The following FGF2 variants were observed in gnomAD, a reference collection of about 807,000 sequenced individuals.
FGF2 encodes basic fibroblast growth factor bFGF.
FGF2 carries 13 observed loss-of-function variants against 15.9 expected under a neutral mutation model. The ratio of observed to expected loss-of-function variants is 0.82; its 90% confidence interval spans 0.53 to 1.30. The LOEUF (loss-of-function observed/expected upper bound fraction) is 1.30, where lower values mean the gene tolerates loss of function less well. Ranked by LOEUF, FGF2 falls within the 50% of genes most tolerant of loss-of-function variation. The probability of loss-of-function intolerance (pLI) is 0.00; values close to 1 mark genes in which losing one functional copy is unlikely to be tolerated. For missense variants in FGF2, 163 were observed against 196.9 expected (o/e 0.83, Z 1.03); for synonymous variants, 90 against 78.4 (o/e 1.15, Z -0.78).
At chr4:122,844,582 T>TTCCTTCCTTCCTTCCTTC (rs1560740307) in intron 1 of FGF2, among the ~76,000 whole-genome samples, 2 of 117,246 alleles carry the variant, frequency 1.7e-5, no homozygotes, top group Non-Finnish European at 3.3e-5. Flanking sequence ...TTTCTTTCTT[T>TTCCTTCCTTCCTTCCTTC]CTTTCTTCCT....
intron 1 of FGF2, among the ~76,000 whole-genome samples, chr4:122,833,122 CTT>C (rs1725796668): frequency 6.6e-6 from 1 of 152,052 alleles, no homozygotes; most frequent in South Asian, 2.1e-4. Context: ...CACAAGGTGA[CTT>C]TTGACTTGAC....
chr4:122,855,023 G>A (rs1037438470), intron 1 of FGF2, among the ~76,000 whole-genome samples: 6 of 152,116 alleles, frequency 3.9e-5, no homozygotes, highest in Middle Eastern at 3.4e-3. Flanking sequence ...TTCTGTTCTG[G>A]AGCTGCCTGA....
intron 1 of FGF2, among the ~76,000 whole-genome samples, chr4:122,843,738 A>G (rs1484523667): frequency 1.3e-5 from 2 of 152,228 alleles, no homozygotes; most frequent in Admixed American, 6.5e-5. Flanking sequence ...TTCCTAATGC[A>G]TATGAAAGCT....
Position 122,889,170 on chromosome 4 carries a change from G to T in FGF2, c.283-3041G>T, listed in dbSNP as rs372029898. On this transcript the variant is annotated intron_variant, in intron 2 of 2. Coordinates refer to ENST00000644866, the MANE Select transcript of FGF2 (RefSeq NM_001361665.2). ...AGTTTTAAATTCCTCATTTGTTAAT[G>T]AGTATAATAATGTTAAAATATTGTT... Among the ~76,000 whole-genome samples, 116 of 152,260 alleles carry T rather than the reference G, an allele frequency of 7.6e-4. No homozygotes were observed. In the East Asian group the frequency reaches 0.015, roughly 19 times the overall value.
chr4:122,858,609 G>C (rs895885092), intron 1 of FGF2, among the ~76,000 whole-genome samples: 2 of 152,070 alleles, frequency 1.3e-5, no homozygotes, highest in African/African-American at 4.8e-5. Context: ...TGTTGCCCAG[G>C]CTGGTCTTGA....
chr4:122,843,412 C>T (rs899595731), intron 1 of FGF2, among the ~76,000 whole-genome samples: 5 of 152,238 alleles, frequency 3.3e-5, no homozygotes, highest in Non-Finnish European at 7.4e-5. Context: ...CTGAACAATT[C>T]GTCTTTATCC....
rs1727293396 is a variant in FGF2, at chr4:122,894,584, C to G, written c.*2188C>G. ...CCTAGGCAACAGAGTGAGACTTTGT[C>G]TCAAAAAAAGAGAAATTTTCCTTAA... On this transcript the variant is annotated 3_prime_UTR_variant, in exon 3 of 3. Coordinates refer to ENST00000644866, the MANE Select transcript of FGF2 (RefSeq NM_001361665.2). 1 of 151,852 alleles carries G rather than the reference C, an allele frequency of 6.6e-6. No individual in the cohort carries two copies. The allele number at this position is 151,852 out of a possible 1,614,324, so 9.4% of individuals were successfully genotyped here. A position where few individuals can be genotyped will look rare whatever the true frequency, so the allele number is the denominator to read the frequency against.
chr4:122,875,850 T>C (rs1018518448), intron 1 of FGF2, among the ~76,000 whole-genome samples: 11 of 152,240 alleles, frequency 7.2e-5, no homozygotes, highest in Non-Finnish European at 1.5e-4. Flanking sequence ...AGTGAATAAC[T>C]AGATTTTGTT....
In FGF2 at chr4:122,827,001, G is replaced by T. The variant is rs1434289357; in HGVS notation, c.-174G>T. ...CCGGCGGACAGAAGAGCGGCCGAGC[G>T]GCTCGAGGCTGGGGGACCGCGGGCG... On this transcript the variant is annotated 5_prime_UTR_variant, in exon 1 of 3. Coordinates refer to ENST00000644866, the MANE Select transcript of FGF2 (RefSeq NM_001361665.2). This position sits in a 1 kb window ranked among gnomAD's most constrained non-coding sequence, Gnocchi z 4.2. 7.3e-6 allele frequency: 9 copies of T among 1,231,820 alleles called. No homozygotes were observed. Among genetic ancestry groups the T allele is most frequent in the Non-Finnish European group, 4.0e-6 (4 of 987,982 alleles). The allele number at this position is 1,231,820 out of a possible 1,614,324, so 76.3% of individuals were successfully genotyped here.
At chr4:122,870,410 CTCT>C (rs1353851990) in intron 1 of FGF2, among the ~76,000 whole-genome samples, 1 of 152,178 alleles carries the variant, frequency 6.6e-6, no homozygotes, top group African/African-American at 2.4e-5. Flanking sequence ...ATGATATCAG[CTCT>C]TCTTTGTATT....
chr4:122,858,300 G>A (rs887878410), intron 1 of FGF2, among the ~76,000 whole-genome samples: 1 of 152,018 alleles, frequency 6.6e-6, no homozygotes, highest in African/African-American at 2.4e-5. Context: ...TCTGATCTTT[G>A]TAATTTATCT....
intron 2 of FGF2, among the ~76,000 whole-genome samples, chr4:122,883,775 A>G (rs1727005012): frequency 6.6e-6 from 1 of 152,256 alleles, no homozygotes; most frequent in South Asian, 2.1e-4. Context: ...ATATAATGCT[A>G]TATAGATCAT....
At chr4:122,869,821 C>G (rs13109930) in intron 1 of FGF2, among the ~76,000 whole-genome samples, 65,259 of 152,012 alleles carry the variant, frequency 0.43, 16,926 homozygotes, top group Non-Finnish European at 0.57. Context: ...ATTTCAATAC[C>G]CTTTGTTTCT....
chr4:122,866,378 A>ATAAAT (rs201950968), intron 1 of FGF2, among the ~76,000 whole-genome samples: 2 of 151,528 alleles, frequency 1.3e-5, no homozygotes, highest in Admixed American at 1.3e-4. Flanking sequence ...AAAAAAAAAA[A>ATAAAT]AAATAAATAA....
intron 1 of FGF2, among the ~76,000 whole-genome samples, chr4:122,856,858 G>A (rs1003467920): frequency 2.6e-5 from 4 of 152,104 alleles, no homozygotes; most frequent in Non-Finnish European, 4.4e-5. Context: ...CACTCCCTCA[G>A]CCCCACCTTG....
chr4:122,851,459 C>G (rs11938826), intron 1 of FGF2, among the ~76,000 whole-genome samples: 46,375 of 152,088 alleles, frequency 0.3, 11,272 homozygotes, highest in African/African-American at 0.68. Context: ...TTCACACCAG[C>G]TCTGTCACTG....
intron 2 of FGF2, chr4:122,884,506 AAAT>A (rs1727020345): frequency 6.6e-6 from 1 of 152,206 alleles, no homozygotes; most frequent in African/African-American, 2.4e-5. Flanking sequence ...AAAAAATAAA[AAAT>A]AAAAAGATCA....
intron 1 of FGF2, among the ~76,000 whole-genome samples, chr4:122,870,546 A>G (rs1453998556): frequency 6.6e-6 from 1 of 152,164 alleles, no homozygotes; most frequent in South Asian, 2.1e-4. Flanking sequence ...TTCCTGGTTT[A>G]GCCTTGGGAC....
intron 1 of FGF2, among the ~76,000 whole-genome samples, chr4:122,839,282 A>G (rs1190728156): frequency 6.6e-6 from 1 of 152,196 alleles, no homozygotes; most frequent in Non-Finnish European, 1.5e-5. Flanking sequence ...AAAGATAACT[A>G]AAAGGATGTT....
Sources: gnomAD v4.1 joint callset for allele counts (sites outside exome capture counted in the v4.1 genomes callset) on GRCh38, gnomAD v4.1.1 for gene constraint, Gnocchi (gnomAD v3.1) non-coding constraint, MANE v1.5 for transcripts, NCBI Gene and HGNC (gene_info 2026-07-23, HGNC 2026-07-21) for gene names.